Variants in KIRREL1 observed in about 807,000 individuals in gnomAD.
The protein encoded by KIRREL1 is kirre like nephrin family adhesion molecule 1.
KIRREL1 carries 25 observed loss-of-function variants against 83.3 expected under a neutral mutation model. That is an observed-to-expected ratio of 0.30 (90% CI 0.22 to 0.42). KIRREL1 has a LOEUF of 0.42. Ranked by LOEUF, KIRREL1 falls within the 10% of genes least tolerant of loss-of-function variation. The pLI, the probability that KIRREL1 is intolerant of heterozygous loss-of-function variation, is 1.00. For missense variants in KIRREL1, 812 were observed against 1,032.3 expected (o/e 0.79, Z 2.92); for synonymous variants, 388 against 410.4 (o/e 0.95, Z 0.66).
At chr1:158,073,424 G>T (rs1185688171) in intron 1 of KIRREL1, among the ~76,000 whole-genome samples, 1 of 152,174 alleles carries the variant, frequency 6.6e-6, no homozygotes, top group Non-Finnish European at 1.5e-5. Context: ...CTGCCATTTA[G>T]TGCATACAGG....
At position 158,100,096 on chromosome 1, in the gene KIRREL1, G is replaced by C. The variant is rs981555280; in HGVS notation, c.*4976G>C. The stretch of plus-strand genomic sequence containing the variant: ...ATTATTTTTGTTAGGACAAACCATT[G>C]TAGGTTTTTAGCAATGTGTATCTGT... On this transcript the variant is annotated 3_prime_UTR_variant, in exon 15 of 15. Coordinates refer to ENST00000359209, the MANE Select transcript of KIRREL1 (RefSeq NM_018240.7). The C allele has an allele frequency of 6.6e-6, 1 of 151,936 alleles. No homozygotes were observed. The highest frequency in any genetic ancestry group is 2.4e-5 in the African/African-American group (1 of 41,378). 9.4% of individuals were successfully genotyped at this position (151,936 alleles called of 1,614,324 possible). A position where few individuals can be genotyped will look rare whatever the true frequency, so the allele number is the denominator to read the frequency against.
intron 1 of KIRREL1, among the ~76,000 whole-genome samples, chr1:158,045,304 T>C (rs1027507111): frequency 2.6e-5 from 4 of 152,174 alleles, no homozygotes; most frequent in African/African-American, 9.7e-5. Context: ...ATCCACAGGT[T>C]AGGTAAGGGC....
At position 158,049,795 on chromosome 1, in the gene KIRREL1, G is replaced by A. The variant is rs150942257; in HGVS notation, c.53-26318G>A. ...GGATATTTAGTGGTGCCTGCTATGAGGTAGGAGAAGAAAGTCTGGGATGAG... is the reference window on the plus strand; with the variant it reads ...GGATATTTAGTGGTGCCTGCTATGAAGTAGGAGAAGAAAGTCTGGGATGAG... On this transcript the variant is annotated intron_variant, in intron 1 of 14. Transcript: ENST00000359209. Among the ~76,000 whole-genome samples, 259 of 152,234 alleles carry A rather than the reference G, an allele frequency of 1.7e-3. 2 individuals are homozygous for A. Among genetic ancestry groups the A allele is most frequent in the African/African-American group, 5.9e-3 (247 of 41,528 alleles).
Position 158,095,244 on chromosome 1 carries a change from G to T in KIRREL1, c.*124G>T, listed in dbSNP as rs1223407074. The T allele has an allele frequency of 4.1e-6, 3 of 737,060 alleles. No individual in the cohort carries two copies. Among genetic ancestry groups the T allele is most frequent in the Non-Finnish European group, 4.3e-6 (2 of 461,204 alleles). 45.7% of individuals were successfully genotyped at this position (737,060 alleles called of 1,614,324 possible). A position where few individuals can be genotyped will look rare whatever the true frequency, so the allele number is the denominator to read the frequency against. ...GACCAGCCTTCTTCCTCCCACCATG[G>T]CAGGTGGGGAGCAGGTCTCCCAGAA... On this transcript the variant is annotated 3_prime_UTR_variant, in exon 15 of 15. Coordinates refer to ENST00000359209, the MANE Select transcript of KIRREL1 (RefSeq NM_018240.7).
chr1:158,097,307 CT>C lies in KIRREL1; in HGVS notation c.*2191del. The C allele has an allele frequency of 3.2e-6, 1 of 308,218 alleles. No individual in the cohort carries two copies. The highest frequency in any genetic ancestry group is 6.3e-6 in the Non-Finnish European group (1 of 159,042). 19.1% of individuals were successfully genotyped at this position (308,218 alleles called of 1,614,324 possible). A position where few individuals can be genotyped will look rare whatever the true frequency, so the allele number is the denominator to read the frequency against. ...AAGACTTGAAGTCTAAAGATGGTGG[CT>C]TTTAAAACATGCATATTCCAAAAAG... On this transcript the variant is annotated 3_prime_UTR_variant, in exon 15 of 15. Coordinates refer to ENST00000359209, the MANE Select transcript of KIRREL1 (RefSeq NM_018240.7).
At chr1:158,054,932 G>A (rs1249356482) in intron 1 of KIRREL1, among the ~76,000 whole-genome samples, 2 of 152,168 alleles carry the variant, frequency 1.3e-5, no homozygotes, top group African/African-American at 2.4e-5. Context: ...GGGTGGAGGT[G>A]GGAGGTGACT....
chr1:158,049,954 C>T (rs1660870076), intron 1 of KIRREL1, among the ~76,000 whole-genome samples: 1 of 152,112 alleles, frequency 6.6e-6, no homozygotes, highest in Non-Finnish European at 1.5e-5. Context: ...GAGCCAGAAT[C>T]CACAAGTTTT....
rs1386052926 is a variant in KIRREL1 at position 158,089,504 on chromosome 1, C to T, written c.1047C>T (p.Val349=). The T allele has an allele frequency of 6.2e-7, 1 of 1,614,052 alleles. No homozygotes were observed. The highest frequency in any genetic ancestry group is 1.3e-5 in the African/African-American group (1 of 74,944). The change falls in exon 9 of 15, where the codon GTC becomes GTT. Residue 349 remains valine, a splice_region_variant and synonymous_variant. Transcript: ENST00000359209. ...CCGAGGCTGCTCTCTCTGCCCAGGT[C>T]CTGAGTAACAGCAACCAGCTGCTGC... ...LTWTKKDSNM[V]LSNSNQLLLK...
At chr1:158,016,865 A>G (rs1206259199) in intron 1 of KIRREL1, among the ~76,000 whole-genome samples, 1 of 152,208 alleles carries the variant, frequency 6.6e-6, no homozygotes, top group Admixed American at 6.5e-5. Flanking sequence ...GAGGAAGTTG[A>G]CAGAGTGTGA....
At chr1:158,070,598 G>A (rs1661483823) in intron 1 of KIRREL1, among the ~76,000 whole-genome samples, 2 of 152,178 alleles carry the variant, frequency 1.3e-5, no homozygotes, top group African/African-American at 4.8e-5. Context: ...TCCAAGGCAG[G>A]CTGTGATAAA....
chr1:158,059,471 C>T (rs1259095902), intron 1 of KIRREL1, among the ~76,000 whole-genome samples: 1 of 152,142 alleles, frequency 6.6e-6, no homozygotes, highest in Non-Finnish European at 1.5e-5. Context: ...CCTGGCTTGG[C>T]CTCCAGGTTG....
intron 1 of KIRREL1, among the ~76,000 whole-genome samples, chr1:158,053,313 A>G (rs1229467210): frequency 1.3e-5 from 2 of 152,232 alleles, no homozygotes; most frequent in Admixed American, 6.5e-5. Flanking sequence ...TGAATGAATG[A>G]CATTCAAGAT....
At chr1:158,068,405 T>G (rs1457013278) in intron 1 of KIRREL1, among the ~76,000 whole-genome samples, 2 of 152,228 alleles carry the variant, frequency 1.3e-5, no homozygotes, top group Non-Finnish European at 2.9e-5. Flanking sequence ...TAAGGGTCTC[T>G]AAAGTCAGTC....
In KIRREL1 at chr1:158,084,578, C is replaced by G. The variant is rs571258086; in HGVS notation, c.509C>G (p.Thr170Arg). 37 of 1,551,454 alleles carry G rather than the reference C, an allele frequency of 2.4e-5. No individual in the cohort carries two copies. Among genetic ancestry groups the G allele is most frequent in the South Asian group, 3.6e-5 (3 of 84,004 alleles). Reference protein sequence around the residue: ...GTQQEGAVASTELLKDGKRET... With the variant: ...GTQQEGAVASRELLKDGKRET... Reference sequence around the variant, plus strand: ...CAGCAGGAGGGCGCTGTGGCCAGCACGGTGAGCTCCAGCCAGCTCCCCCAG... The same window carrying G: ...CAGCAGGAGGGCGCTGTGGCCAGCAGGGTGAGCTCCAGCCAGCTCCCCCAG... The change falls in exon 4 of 15, where the codon ACG (threonine) becomes AGG (arginine). Residue 170 changes from threonine (T) to arginine (R), a missense_variant and splice_region_variant. Physicochemically the swap from Thr to Arg is moderately conservative, Grantham distance 71 (BLOSUM62 -1). This residue lies in a region of KIRREL1 where 472 missense variants were observed against 626.8 expected (regional missense o/e 0.75). Transcript: ENST00000359209.
At chr1:158,036,104 AGTTT>A (rs112056113) in intron 1 of KIRREL1, among the ~76,000 whole-genome samples, 11 of 152,206 alleles carry the variant, frequency 7.2e-5, no homozygotes, top group African/African-American at 1.9e-4. Context: ...AAAGTGTTGT[AGTTT>A]GTTTGTGTTT....
chr1:158,060,596 C>A (rs879351038), intron 1 of KIRREL1, among the ~76,000 whole-genome samples: 1 of 152,172 alleles, frequency 6.6e-6, no homozygotes, highest in African/African-American at 2.4e-5. Flanking sequence ...ACTCTCGACC[C>A]ATTCCTCCAA....
At chr1:158,001,088 G>A (rs569702003) in intron 1 of KIRREL1, among the ~76,000 whole-genome samples, 1 of 152,186 alleles carries the variant, frequency 6.6e-6, no homozygotes, top group Non-Finnish European at 1.5e-5. Flanking sequence ...TCCTAGGTCC[G>A]CTTCAGAATC....
At chr1:158,070,595 C>A (rs1270615675) in intron 1 of KIRREL1, among the ~76,000 whole-genome samples, 1 of 152,148 alleles carries the variant, frequency 6.6e-6, no homozygotes, top group Non-Finnish European at 1.5e-5. Flanking sequence ...TAATCCAAGG[C>A]AGGCTGTGAT....
At chr1:158,020,095 G>A (rs1659958004) in intron 1 of KIRREL1, among the ~76,000 whole-genome samples, 1 of 152,158 alleles carries the variant, frequency 6.6e-6, no homozygotes, top group South Asian at 2.1e-4. Context: ...CATTGGAAGG[G>A]GTCTTGGGGT....
Sources: allele counts gnomAD v4.1 joint callset (sites outside exome capture counted in the v4.1 genomes callset), GRCh38; gene constraint gnomAD v4.1.1; regional missense constraint gnomAD v4.1.1; transcripts MANE v1.5; gene names NCBI Gene and HGNC (gene_info 2026-07-23, HGNC 2026-07-21).